The following LIPJ variants were observed in gnomAD, a reference collection of about 807,000 sequenced individuals.
LIPJ encodes lipase family member J.
A neutral mutation model predicts 39.8 loss-of-function variants in LIPJ; 33 were observed. That is an observed-to-expected ratio of 0.83 (90% confidence interval 0.63 to 1.11). The LOEUF (loss-of-function observed/expected upper bound fraction) is 1.11. Ranked by LOEUF, LIPJ falls within the 50% of genes least tolerant of loss-of-function variation. LIPJ has a pLI of 0.00. For synonymous variants in LIPJ, 128 were observed against 139.2 expected (o/e 0.92, Z 0.57); for missense variants, 422 against 427.9 (o/e 0.99, Z 0.12).
At chr10:88,592,135 T>G (rs1218753509) in intron 4 of LIPJ, 1 of 151,946 alleles carries the variant, frequency 6.6e-6, no homozygotes, top group East Asian at 1.9e-4. Flanking sequence ...GGAAACAGGA[T>G]GTGAAACAAA....
chr10:88,610,305 C>T (rs1726700208), downstream of LIPJ, among the ~76,000 whole-genome samples: 1 of 152,060 alleles, frequency 6.6e-6, no homozygotes, highest in Non-Finnish European at 1.5e-5. Flanking sequence ...TGGCATGCCA[C>T]AGAATAGGTC....
intron 8 of LIPJ, among the ~76,000 whole-genome samples, chr10:88,600,434 TTTTTA>T (rs1261513486): frequency 2.0e-5 from 3 of 152,218 alleles, no homozygotes; most frequent in Admixed American, 6.5e-5. Context: ...ATACATTGTA[TTTTTA>T]TTTTGAGTGT....
the LIPJ span, among the ~76,000 whole-genome samples, chr10:88,621,959 C>T: frequency 2.0e-5 from 3 of 152,092 alleles, no homozygotes; most frequent in Admixed American, 6.5e-5. Flanking sequence ...AAGAGAGAGT[C>T]GGGGATGCAT....
At chr10:88,607,264 C>T (rs146893576), downstream of LIPJ, among the ~76,000 whole-genome samples, 744 of 152,028 alleles carry the variant, frequency 4.9e-3, 4 homozygotes, top group African/African-American at 0.017. Flanking sequence ...TTGAGAAATA[C>T]TTGATATGAA....
At chr10:88,606,480 CTT>C (rs1335973887) in intron 10 of LIPJ, among the ~76,000 whole-genome samples, 192 bp from the exon 11 acceptor site, 1 of 152,114 alleles carries the variant, frequency 6.6e-6, no homozygotes, top group African/African-American at 2.4e-5. Flanking sequence ...TTATGTATGA[CTT>C]ATTTTCAAGT....
rs1224542872 is a variant in LIPJ, at chr10:88,606,967, T to A, written c.*60T>A. On this transcript the variant is annotated 3_prime_UTR_variant, in exon 11 of 11. Transcript: ENST00000371939. ...CATTCCTAATGAAATCCAATTCTTA[T>A]TTTTTTTTACCTGTGTATGTTCTTT... The A allele has an allele frequency of 2.3e-6, 3 of 1,278,282 alleles. No homozygotes were observed. In the African/African-American group the frequency reaches 4.5e-5, roughly 19 times the overall value. The allele number at this position is 1,278,282 out of a possible 1,614,324, so 79.2% of individuals were successfully genotyped here.
At chr10:88,605,755 C>A in intron 10 of LIPJ, 51 bp downstream of exon 10, 1 of 1,163,118 alleles carries the variant, frequency 8.6e-7, no homozygotes, top group Non-Finnish European at 1.3e-6. Flanking sequence ...TTTCAGATAA[C>A]TTTGCTATAG....
intron 4 of LIPJ, 134 bp downstream of exon 4, chr10:88,591,632 G>T (rs776855435): frequency 7.2e-6 from 5 of 693,182 alleles, no homozygotes; most frequent in South Asian, 4.8e-5. Flanking sequence ...GTATCTTCTC[G>T]CATGCTACAA....
the LIPJ span, among the ~76,000 whole-genome samples, chr10:88,616,363 C>T: frequency 6.6e-6 from 1 of 152,208 alleles, no homozygotes; most frequent in African/African-American, 2.4e-5. Context: ...AGTCCCTGGC[C>T]TGCGTCAGGG....
chr10:88,598,161 G>A (rs979014770), intron 8 of LIPJ, among the ~76,000 whole-genome samples: 2 of 151,930 alleles, frequency 1.3e-5, no homozygotes, highest in African/African-American at 4.8e-5. Flanking sequence ...TGAAACTGTG[G>A]TTCAGCTTGA....
chr10:88,593,049 T>C, intron 4 of LIPJ: 1 of 151,912 alleles, frequency 6.6e-6, no homozygotes, highest in East Asian at 1.9e-4. Context: ...AAACAGGGCA[T>C]AGAAGTAGGA....
At chr10:88,589,916 T>C (rs1851024791) in intron 2 of LIPJ, among the ~76,000 whole-genome samples, 1 of 151,746 alleles carries the variant, frequency 6.6e-6, no homozygotes, top group Non-Finnish European at 1.5e-5. Flanking sequence ...GTGGTGGAGC[T>C]AGGGGTTTTA....
At chr10:88,601,611 GA>G (rs1345320143) in intron 8 of LIPJ, among the ~76,000 whole-genome samples, 1 of 152,134 alleles carries the variant, frequency 6.6e-6, no homozygotes, top group African/African-American at 2.4e-5. Flanking sequence ...TGGGATTAAT[GA>G]AAGGTTTGCT....
Position 88,596,658 on chromosome 10 carries a change from T to C in LIPJ, c.577-132T>C, listed in dbSNP as rs1851263702. 1.1e-5 allele frequency: 11 copies of C among 966,188 alleles called. No homozygotes were observed. The East Asian group carries it at 2.5e-4, about 22-fold the overall frequency. The allele number at this position is 966,188 out of a possible 1,614,324, so 59.9% of individuals were successfully genotyped here. A position where few individuals can be genotyped will look rare whatever the true frequency, so the allele number is the denominator to read the frequency against. On this transcript the variant is annotated intron_variant, in intron 7 of 10. Coordinates refer to ENST00000371939, the Ensembl canonical transcript of LIPJ. ...CATCTCCACACCCTGCTTCCAAGTTTTTTCCTTTATTTAAAATTTTCAAAC... is the reference window on the plus strand; with the variant it reads ...CATCTCCACACCCTGCTTCCAAGTTCTTTCCTTTATTTAAAATTTTCAAAC...
intron 8 of LIPJ, among the ~76,000 whole-genome samples, chr10:88,598,310 C>T (rs1008094021): frequency 6.6e-6 from 1 of 151,946 alleles, no homozygotes; most frequent in East Asian, 1.9e-4. Context: ...ACTGATGTCA[C>T]TCAGGTGTGG....
chr10:88,618,879 C>G, the LIPJ span: 1 of 154,570 alleles, frequency 6.5e-6, no homozygotes, highest in South Asian at 1.9e-4. Context: ...TTTGCTCTTT[C>G]TTAAAAGTTT....
upstream of LIPJ, chr10:88,582,961 A>T: frequency 8.1e-7 from 1 of 1,241,296 alleles, no homozygotes; most frequent in Non-Finnish European, 1.1e-6. Flanking sequence ...CCGCTCAGGG[A>T]GCTGAGGGTA....
upstream of LIPJ, among the ~76,000 whole-genome samples, chr10:88,584,749 C>T (rs1018223841): frequency 1.1e-4 from 17 of 152,242 alleles, no homozygotes; most frequent in African/African-American, 2.4e-4. Context: ...AGGTGCCCAC[C>T]GCCACGTGTG....
At chr10:88,586,880 C>T (rs1285736438) in intron 1 of LIPJ, 35 bp downstream of exon 1, 1 of 152,108 alleles carries the variant, frequency 6.6e-6, no homozygotes, top group Non-Finnish European at 1.5e-5. Context: ...TGACGTTGAA[C>T]TTCTTTTCAT....
Sources: gnomAD v4.1 joint callset for allele counts (sites outside exome capture counted in the v4.1 genomes callset) on GRCh38, gnomAD v4.1.1 for gene constraint, MANE v1.5 for transcripts, NCBI Gene and HGNC (gene_info 2026-07-23, HGNC 2026-07-21) for gene names.